Variants in CPPED1 observed in about 807,000 individuals in gnomAD.
CPPED1 encodes serine/threonine-protein phosphatase CPPED1.
CPPED1 carries 28 observed loss-of-function variants against 28.0 expected under a neutral mutation model. The ratio of observed to expected loss-of-function variants is 1.00; its 90% CI spans 0.74 to 1.37. CPPED1 has a LOEUF of 1.37. CPPED1 is among the 40% of genes most tolerant of loss of function. The pLI, the probability that CPPED1 is intolerant of heterozygous loss-of-function variation, is 0.00. For missense variants in CPPED1, 504 were observed against 416.5 expected (o/e 1.21, Z -1.83); for synonymous variants, 198 against 180.2 (o/e 1.10, Z -0.79).
intron 1 of CPPED1, among the ~76,000 whole-genome samples, chr16:12,790,830 G>A (rs1397393039): frequency 2.7e-5 from 4 of 149,702 alleles, no homozygotes; most frequent in Non-Finnish European, 4.4e-5. Context: ...TCGGGAGGCT[G>A]AGGCAGGAGA....
intron 1 of CPPED1, among the ~76,000 whole-genome samples, chr16:12,787,444 C>T (rs964327830): frequency 7.0e-6 from 1 of 142,628 alleles, no homozygotes; most frequent in African/African-American, 2.7e-5. Context: ...CTCACTCTGT[C>T]ACTCAGACTG....
At chr16:12,726,436 G>A (rs1223974948) in intron 2 of CPPED1, among the ~76,000 whole-genome samples, 1 of 150,826 alleles carries the variant, frequency 6.6e-6, no homozygotes, top group Non-Finnish European at 1.5e-5. Context: ...TCTACCTCCT[G>A]GGTTCAAGCG....
chr16:12,669,379 T>TA (rs991254676), intron 3 of CPPED1, among the ~76,000 whole-genome samples: 1 of 152,146 alleles, frequency 6.6e-6, no homozygotes, highest in Non-Finnish European at 1.5e-5. Flanking sequence ...TGTGGAATGG[T>TA]AAAAATGGTC....
In CPPED1 at chr16:12,665,090, G is replaced by C. The variant is rs757884104; in HGVS notation, c.741C>G (p.His247Gln). Residue 247 changes from histidine to glutamine, a missense_variant, in exon 4 of 4, where the codon CAC (histidine) becomes CAG (glutamine). Transcript: ENST00000381774. ...AGGTACCCCCGGCATTCCTGTGGTAGTGGCCTGAGAACACGACTTTGACAC... is the reference window on the plus strand; with the variant it reads ...AGGTACCCCCGGCATTCCTGTGGTACTGGCCTGAGAACACGACTTTGACAC... Reference protein sequence around the residue: ...HAGVKVVFSGHYHRNAGGTYQ... With the variant: ...HAGVKVVFSGQYHRNAGGTYQ... 2.5e-6 allele frequency: 4 copies of C among 1,604,086 alleles called. No individual in the cohort carries two copies. Among genetic ancestry groups the C allele is most frequent in the Non-Finnish European group, 3.4e-6 (4 of 1,177,392 alleles).
At chr16:12,716,013 G>C (rs1030928001) in intron 2 of CPPED1, among the ~76,000 whole-genome samples, 1 of 152,190 alleles carries the variant, frequency 6.6e-6, no homozygotes, top group African/African-American at 2.4e-5. Flanking sequence ...GCAAGGTAGT[G>C]ATTTTATGGT....
chr16:12,793,876 G>A (rs2080610961), intron 1 of CPPED1, among the ~76,000 whole-genome samples: 1 of 152,160 alleles, frequency 6.6e-6, no homozygotes, highest in African/African-American at 2.4e-5. Context: ...CAGGAAAGAT[G>A]GGAAGCTTCA....
At chr16:12,723,957 C>T (rs1236065097) in intron 2 of CPPED1, among the ~76,000 whole-genome samples, 1 of 152,148 alleles carries the variant, frequency 6.6e-6, no homozygotes. Flanking sequence ...CACCCTCATA[C>T]CCAGCCACCA....
chr16:12,667,496 G>A (rs937892431), intron 3 of CPPED1, among the ~76,000 whole-genome samples: 2 of 152,170 alleles, frequency 1.3e-5, no homozygotes, highest in African/African-American at 4.8e-5. Flanking sequence ...GCTCATGCCT[G>A]TAATCCCTGT....
At chr16:12,758,623 T>G (rs145516280) in intron 2 of CPPED1, among the ~76,000 whole-genome samples, 1 of 152,306 alleles carries the variant, frequency 6.6e-6, no homozygotes, top group East Asian at 1.9e-4. Flanking sequence ...GTCTTCACTT[T>G]CTGACTTTAA....
intron 2 of CPPED1, among the ~76,000 whole-genome samples, chr16:12,778,179 G>C (rs977251612): frequency 3.2e-4 from 49 of 151,458 alleles, no homozygotes; most frequent in African/African-American, 1.2e-3. Context: ...CAAAGTGCTG[G>C]GATTACAGGT....
At chr16:12,793,321 G>C (rs9927656) in intron 1 of CPPED1, among the ~76,000 whole-genome samples, 39,418 of 152,036 alleles carry the variant, frequency 0.26, 6,558 homozygotes, top group African/African-American at 0.47. Flanking sequence ...CTCCAGGGAG[G>C]GGGCACTGCA....
rs148852071 is a variant in CPPED1 at position 12,712,145 on chromosome 16, C to T, written c.290-7096G>A. Among the ~76,000 whole-genome samples, 395 of 152,314 alleles carry T rather than the reference C, an allele frequency of 2.6e-3. 1 individual carries two copies. The highest frequency in any genetic ancestry group is 3.3e-3 in the Non-Finnish European group (222 of 68,032). On this transcript the variant is annotated intron_variant, in intron 2 of 3. Coordinates refer to ENST00000381774, the MANE Select transcript of CPPED1 (RefSeq NM_018340.3). ...CTGGAGGCCACACCTGTCCTGCAGA[C>T]AGATGGATACATGGATGAGACAGTG...
chr16:12,790,822 G>C (rs920750649), intron 1 of CPPED1, among the ~76,000 whole-genome samples: 2 of 151,088 alleles, frequency 1.3e-5, no homozygotes, highest in African/African-American at 2.4e-5. Flanking sequence ...CCAGCAACTC[G>C]GGAGGCTGAG....
At chr16:12,732,611 T>C (rs140273092) in intron 2 of CPPED1, among the ~76,000 whole-genome samples, 13 of 152,214 alleles carry the variant, frequency 8.5e-5, no homozygotes, top group South Asian at 4.2e-4. Context: ...CACAGTATTA[T>C]TGTAGAACCC....
intron 3 of CPPED1, among the ~76,000 whole-genome samples, chr16:12,697,993 C>T (rs2080000807): frequency 6.6e-6 from 1 of 152,002 alleles, no homozygotes; most frequent in African/African-American, 2.4e-5. Flanking sequence ...GCCTGTAATC[C>T]CAGCTACTTG....
At chr16:12,689,025 T>C (rs1176262332) in intron 3 of CPPED1, among the ~76,000 whole-genome samples, 2 of 152,126 alleles carry the variant, frequency 1.3e-5, no homozygotes, top group African/African-American at 4.8e-5. Context: ...GTTCAAGATG[T>C]TATTATGTAT....
At chr16:12,713,985 C>T (rs1309829706) in intron 2 of CPPED1, among the ~76,000 whole-genome samples, 1 of 152,118 alleles carries the variant, frequency 6.6e-6, no homozygotes, top group African/African-American at 2.4e-5. Flanking sequence ...AATCTACCTT[C>T]TATAGATTTC....
At chr16:12,773,212 G>A (rs2080479599) in intron 2 of CPPED1, among the ~76,000 whole-genome samples, 1 of 152,122 alleles carries the variant, frequency 6.6e-6, no homozygotes, top group African/African-American at 2.4e-5. Context: ...GAACATCAAA[G>A]GGCTATTTTG....
chr16:12,703,353 T>C (rs1240885901), intron 3 of CPPED1, among the ~76,000 whole-genome samples: 1 of 152,242 alleles, frequency 6.6e-6, no homozygotes, highest in East Asian at 1.9e-4. Flanking sequence ...TATTCCCAGA[T>C]GGGACTAAAT....
Sources: allele counts gnomAD v4.1 joint callset (sites outside exome capture counted in the v4.1 genomes callset), GRCh38; gene constraint gnomAD v4.1.1; transcripts MANE v1.5; gene names NCBI Gene and HGNC (gene_info 2026-07-23, HGNC 2026-07-21).